OR4M1: variants seen among roughly 807,000 people sequenced by gnomAD.
The protein encoded by OR4M1 is olfactory receptor 4M1.
OR4M1 carries 7 observed loss-of-function variants against 9.8 expected under a neutral mutation model. The ratio of observed to expected loss-of-function variants is 0.71; its 90% CI spans 0.41 to 1.34. The LOEUF is 1.34. Among genes scored for constraint, OR4M1 ranks in the 40% most tolerant of loss-of-function variants. The pLI is 0.01. For synonymous variants in OR4M1, 121 were observed against 139.8 expected, an observed-to-expected ratio of 0.87 and a Z score of 0.95; for missense variants, 331 against 380.4, an observed-to-expected ratio of 0.87 and a Z score of 1.08.
chr14:19,777,330 T>A (rs1293132475), intron 1 of OR4M1, among the ~76,000 whole-genome samples: 2 of 151,868 alleles, frequency 1.3e-5, no homozygotes, highest in Non-Finnish European at 2.9e-5. Flanking sequence ...TATTCTGTAT[T>A]CTTAAAATGC....
At chr14:19,780,047 T>C (rs1009106452) in intron 1 of OR4M1, among the ~76,000 whole-genome samples, 19 of 152,350 alleles carry the variant, frequency 1.2e-4, no homozygotes, top group African/African-American at 4.6e-4. Context: ...AAAAGTAAGA[T>C]TTTTAACATT....
chr14:19,780,279 CTT>C lies in OR4M1; in HGVS notation c.-29-13_-29-12del, dbSNP rs1878430537. 6.5e-7 allele frequency: 1 copy of C among 1,540,262 alleles called. No homozygotes were observed. The highest frequency in any genetic ancestry group is 2.1e-5 in the Admixed American group (1 of 48,360). ...ATGCTATGTGGACTAATTATAGTTT[CTT>C]TAATTTTCATAGTTATATTATGAAA... On this transcript the variant is annotated splice_polypyrimidine_tract_variant and intron_variant, in intron 1 of 1. Coordinates refer to ENST00000641200, the MANE Select transcript of OR4M1 (RefSeq NM_001005500.2).
At chr14:19,778,136 T>C (rs1201237666) in intron 1 of OR4M1, among the ~76,000 whole-genome samples, 6 of 152,252 alleles carry the variant, frequency 3.9e-5, no homozygotes, top group Non-Finnish European at 8.8e-5. Flanking sequence ...CATTAGTTTC[T>C]AATTTTATGT....
intron 1 of OR4M1, 96 bp from the exon 2 acceptor site, chr14:19,780,198 T>C: frequency 1.8e-6 from 2 of 1,082,842 alleles, no homozygotes; most frequent in Non-Finnish European, 2.6e-6. Flanking sequence ...TCATGTAATC[T>C]GTTAGTGACA....
chr14:19,776,540 A>T (rs1345181404), intron 1 of OR4M1, among the ~76,000 whole-genome samples: 1 of 152,228 alleles, frequency 6.6e-6, no homozygotes, highest in African/African-American at 2.4e-5. Flanking sequence ...TGTAAGACGA[A>T]GTAAATCTTT....
chr14:19,780,987 T>C lies in OR4M1; in HGVS notation c.665T>C (p.Leu222Pro), dbSNP rs148618328. The change falls in exon 2 of 2, where the codon CTG (leucine) becomes CCG (proline). Residue 222 changes from leucine to proline, a missense_variant. This residue lies in a region of OR4M1 where 122 missense variants were observed against 180.5 expected (regional missense o/e 0.68). Transcript: ENST00000641200. ...CTGTTAATGTCCTATGCCTTCCTTC[T>C]GGCCTTGCTCAAGAAACATTCAGGC... ...IALLMSYAFL[L>P]ALLKKHSGSG... 4.5e-5 allele frequency: 73 copies of C among 1,614,252 alleles called. No individual in the cohort carries two copies. Among genetic ancestry groups the C allele is most frequent in the Admixed American group, 8.3e-5 (5 of 60,036 alleles).
In OR4M1 at chr14:19,782,715, T is replaced by G. The variant is rs923312333; in HGVS notation, c.*1451T>G. ...TCTTCGATCTTCAATGCTACGTTAC[T>G]TCTCTTCTAGGAACCCAAAGGCATG... is the stretch of plus-strand genomic sequence containing the variant. On this transcript the variant is annotated 3_prime_UTR_variant, in exon 2 of 2. Transcript: ENST00000641200. 5 of 152,234 alleles carry G rather than the reference T, an allele frequency of 3.3e-5. No individual in the cohort carries two copies. The allele number at this position is 152,234 out of a possible 1,614,324, so 9.4% of individuals were successfully genotyped here. A position where few individuals can be genotyped will look rare whatever the true frequency, so the allele number is the denominator to read the frequency against.
Position 19,783,549 on chromosome 14 carries a change from G to A in OR4M1, c.*2285G>A, listed in dbSNP as rs1202427433. The A allele has an allele frequency of 6.6e-6, 1 of 152,276 alleles. No individual in the cohort carries two copies. The highest frequency in any genetic ancestry group is 1.5e-5 in the Non-Finnish European group (1 of 68,060). The allele number at this position is 152,276 out of a possible 1,614,324, so 9.4% of individuals were successfully genotyped here. ...ATGCAATGTTGTGTCATTGAATATT[G>A]TTTCCAAATAGCTCAGTATCCTCAG... On this transcript the variant is annotated 3_prime_UTR_variant, in exon 2 of 2. Coordinates refer to ENST00000641200, the MANE Select transcript of OR4M1 (RefSeq NM_001005500.2).
intron 1 of OR4M1, 72 bp downstream of exon 1, chr14:19,773,665 G>A (rs1490284165): frequency 6.6e-6 from 1 of 152,322 alleles, no homozygotes; most frequent in Non-Finnish European, 1.5e-5. Context: ...ATATAATGAT[G>A]GGAATAACTA....
At position 19,782,184 on chromosome 14, in the gene OR4M1, C is replaced by G. The variant is rs1264195853; in HGVS notation, c.*920C>G. On this transcript the variant is annotated 3_prime_UTR_variant, in exon 2 of 2. Transcript: ENST00000641200. ...ATTGGTTAGGTGCTGTTTTTGTTAG[C>G]GCTTAATTCAGAGTTATTTCCCATT... is the stretch of plus-strand genomic sequence containing the variant. 6.6e-6 allele frequency: 1 copy of G among 152,238 alleles called. No individual in the cohort carries two copies. Among genetic ancestry groups the G allele is most frequent in the Non-Finnish European group, 1.5e-5 (1 of 68,058 alleles). The allele number at this position is 152,238 out of a possible 1,614,324, so 9.4% of individuals were successfully genotyped here.
chr14:19,778,176 A>T (rs1193000823), intron 1 of OR4M1, among the ~76,000 whole-genome samples: 1 of 152,204 alleles, frequency 6.6e-6, no homozygotes, highest in South Asian at 2.1e-4. Flanking sequence ...TACAAAAGAA[A>T]ATCTCTTTGA....
intron 1 of OR4M1, among the ~76,000 whole-genome samples, chr14:19,777,539 C>T (rs1367885706): frequency 6.6e-6 from 1 of 151,838 alleles, no homozygotes; most frequent in African/African-American, 2.4e-5. Context: ...TGCTTGTTTA[C>T]TTATTTATTG....
At chr14:19,777,612 G>A (rs1344663343) in intron 1 of OR4M1, among the ~76,000 whole-genome samples, 6 of 152,128 alleles carry the variant, frequency 3.9e-5, no homozygotes, top group African/African-American at 1.2e-4. Context: ...TCATTGTTGT[G>A]TCTCAGCAGG....
Position 19,780,809 on chromosome 14 carries a change from A to G in OR4M1, c.487A>G (p.Ile163Val), listed in dbSNP as rs775827424. The G allele has an allele frequency of 5.6e-6, 9 of 1,614,084 alleles. No individual in the cohort carries two copies. The South Asian group carries it at 9.9e-5, about 18-fold the overall frequency. Residue 163 changes from isoleucine to valine, a missense_variant, in exon 2 of 2, where the codon ATT becomes GTT. Physicochemically the swap from Ile to Val is conservative, Grantham distance 29 (BLOSUM62 3). Transcript: ENST00000641200. The part of the protein sequence containing the change: ...FIHSIIQVAL[I>V]VRLPFCGPNE... The stretch of plus-strand genomic sequence containing the variant: ...TCATTCTATAATACAGGTGGCTCTC[A>G]TTGTTCGACTTCCTTTCTGTGGGCC...
In OR4M1 at chr14:19,780,720, C is replaced by G; in HGVS notation, c.398C>G (p.Ala133Gly). 6.2e-7 allele frequency: 1 copy of G among 1,614,260 alleles called. No individual in the cohort carries two copies. Among genetic ancestry groups the G allele is most frequent in the Non-Finnish European group, 8.5e-7 (1 of 1,180,048 alleles). ...GCTATCTGCCGACCCCTCCACTATGCTACCATCATGAATCGACGTCTCTGC... is the reference window on the plus strand; with the variant it reads ...GCTATCTGCCGACCCCTCCACTATGGTACCATCATGAATCGACGTCTCTGC... ...YAAICRPLHYATIMNRRLCCI... is the reference protein window; with the variant it reads ...YAAICRPLHYGTIMNRRLCCI... Residue 133 changes from alanine to glycine, a missense_variant, in exon 2 of 2, where the codon GCT becomes GGT. Physicochemically the swap from Ala to Gly is moderately conservative, Grantham distance 60. Around this residue, in one of 2 missense-constraint regions of OR4M1, gnomAD observed 209 missense variants for 200.0 expected, o/e 1.04. Transcript: ENST00000641200.
At chr14:19,780,214 C>T (rs572863426) in intron 1 of OR4M1, 80 bp from the exon 2 acceptor site, 72 of 1,229,488 alleles carry the variant, frequency 5.9e-5, no homozygotes, top group South Asian at 4.1e-4. Flanking sequence ...TGACAGAAAA[C>T]GTATGACAAT....
chr14:19,780,008 G>C (rs995908669), intron 1 of OR4M1, among the ~76,000 whole-genome samples: 1 of 152,244 alleles, frequency 6.6e-6, no homozygotes, highest in Non-Finnish European at 1.5e-5. Context: ...ATGTTTGGGG[G>C]AAGAAGTAGT....
chr14:19,780,343 C>T lies in OR4M1; in HGVS notation c.21C>T (p.Thr7=), dbSNP rs752186340. METANY[T]KVTEFVLTGL... ...AAGAAATGGAAACTGCAAATTACACCAAGGTGACAGAATTTGTTCTCACTG... is the reference window on the plus strand; with the variant it reads ...AAGAAATGGAAACTGCAAATTACACTAAGGTGACAGAATTTGTTCTCACTG... The change falls in exon 2 of 2, where the codon ACC becomes ACT. Residue 7 remains threonine (T), a synonymous_variant. Coordinates refer to ENST00000641200, the MANE Select transcript of OR4M1 (RefSeq NM_001005500.2). The T allele has an allele frequency of 6.2e-7, 1 of 1,611,658 alleles. No homozygotes were observed. Among genetic ancestry groups the T allele is most frequent in the East Asian group, 2.2e-5 (1 of 44,882 alleles).
chr14:19,780,665 C>T lies in OR4M1; in HGVS notation c.343C>T (p.Leu115Phe). Residue 115 changes from leucine (L) to phenylalanine (F), a missense_variant, in exon 2 of 2, where the codon CTC becomes TTC. Physicochemically the swap from Leu to Phe is conservative, Grantham distance 22 (BLOSUM62 0). Coordinates refer to ENST00000641200, the MANE Select transcript of OR4M1 (RefSeq NM_001005500.2). ...HFVGASEMFLLTVMAYDRYAA... is the reference protein window; with the variant it reads ...HFVGASEMFLFTVMAYDRYAA... Reference sequence around the variant, plus strand: ...TGTTGGGGCTTCGGAGATGTTCTTGCTCACAGTGATGGCCTATGACCGCTA... The same window carrying T: ...TGTTGGGGCTTCGGAGATGTTCTTGTTCACAGTGATGGCCTATGACCGCTA... 1.9e-6 allele frequency: 3 copies of T among 1,614,238 alleles called. No homozygotes were observed. The highest frequency in any genetic ancestry group is 1.3e-5 in the African/African-American group (1 of 75,058).
Sources: allele counts gnomAD v4.1 joint callset (sites outside exome capture counted in the v4.1 genomes callset), GRCh38; gene constraint gnomAD v4.1.1; regional missense constraint gnomAD v4.1.1; transcripts MANE v1.5; gene names NCBI Gene and HGNC (gene_info 2026-07-23, HGNC 2026-07-21).